FHOD3: variants seen among roughly 807,000 people sequenced by gnomAD.
FHOD3 encodes FH1/FH2 domain-containing protein 3.
FHOD3 carries 90 observed loss-of-function variants against 173.0 expected under a neutral mutation model. The ratio of observed to expected loss-of-function variants is 0.52; its 90% confidence interval spans 0.44 to 0.62. FHOD3 has a LOEUF of 0.62. Among genes scored for constraint, FHOD3 ranks in the 20% least tolerant of loss-of-function variants. The pLI is 0.00. For synonymous variants in FHOD3, 828 were observed against 823.0 expected (o/e 1.01, Z -0.10); for missense variants, 1,945 against 2,034.7 (o/e 0.96, Z 0.85).
In FHOD3 at chr18:36,406,076, G is replaced by GT. The variant is rs1207240646; in HGVS notation, c.337+33338dup. Among the ~76,000 whole-genome samples, 567 of 135,784 alleles carry GT rather than the reference G, an allele frequency of 4.2e-3. 4 individuals are homozygous for GT. The highest frequency in any genetic ancestry group is 0.014 in the African/African-American group (512 of 37,072). 89.1% of individuals were successfully genotyped at this position (135,784 alleles called of 152,430 possible). A position where few individuals can be genotyped will look rare whatever the true frequency, so the allele number is the denominator to read the frequency against. On this transcript the variant is annotated intron_variant, in intron 3 of 28. Transcript: ENST00000590592. ...CTAAGTTCACATTGTGGCCTTGCCT[G>GT]TTTTTTGTTTTTGTTTTTGTTTTTT...
rs575123735 is a variant in FHOD3 at position 36,486,563 on chromosome 18, C to T, written c.338-15369C>T. Among the ~76,000 whole-genome samples the T allele has an allele frequency of 3.9e-5, 6 of 152,310 alleles. No homozygotes were observed. In the South Asian group the frequency reaches 1.2e-3, roughly 32 times the overall value. On this transcript the variant is annotated intron_variant, in intron 3 of 28. Transcript: ENST00000590592. Reference sequence around the variant, plus strand: ...TTTATAGTGATCTAAGTTTATATAACATCTTATGGATGGTATTATCTAGAA... The same window carrying T: ...TTTATAGTGATCTAAGTTTATATAATATCTTATGGATGGTATTATCTAGAA...
chr18:36,685,777 A>G (rs1249612424), intron 15 of FHOD3, among the ~76,000 whole-genome samples: 2 of 152,268 alleles, frequency 1.3e-5, no homozygotes, highest in Non-Finnish European at 2.9e-5. Context: ...ATTCTCCAAG[A>G]AAGTAAACAG....
intron 1 of FHOD3, among the ~76,000 whole-genome samples, chr18:36,304,360 G>A (rs1481320878): frequency 6.6e-6 from 1 of 152,214 alleles, no homozygotes; most frequent in African/African-American, 2.4e-5. Context: ...GTGAGTTAAA[G>A]TTGGATTATA....
intron 14 of FHOD3, among the ~76,000 whole-genome samples, chr18:36,661,690 C>A (rs1414746956): frequency 6.6e-6 from 1 of 152,144 alleles, no homozygotes. Flanking sequence ...TCTTCCCCAA[C>A]AAGTATATTC....
intron 4 of FHOD3, among the ~76,000 whole-genome samples, chr18:36,506,502 T>C (rs2055306309): frequency 6.6e-6 from 1 of 152,298 alleles, no homozygotes; most frequent in African/African-American, 2.4e-5. Flanking sequence ...TCTGACCTCC[T>C]TGTAAATATA....
In FHOD3 at chr18:36,772,755, G is replaced by C. The variant is rs1237247178; in HGVS notation, c.4786+3329G>C. 3.9e-5 allele frequency among the ~76,000 whole-genome samples: 6 copies of C among 152,158 alleles called. No individual in the cohort carries two copies. The South Asian group carries it at 8.3e-4, about 21-fold the overall frequency. On this transcript the variant is annotated intron_variant, in intron 28 of 28. Coordinates refer to ENST00000590592, the MANE Select transcript of FHOD3 (RefSeq NM_001281740.3). Reference sequence around the variant, plus strand: ...TGCTCTCCCAGCTGGTGCCAATCAGGGGCACATTGAGTAAAATGTCTCAAA... The same window carrying C: ...TGCTCTCCCAGCTGGTGCCAATCAGCGGCACATTGAGTAAAATGTCTCAAA...
In FHOD3 at chr18:36,760,800, G is replaced by A; in HGVS notation, c.4624+18G>A. The A allele has an allele frequency of 3.8e-6, 6 of 1,596,848 alleles. No individual in the cohort carries two copies. The highest frequency in any genetic ancestry group is 2.2e-5 in the East Asian group (1 of 44,566). On this transcript the variant is annotated intron_variant, in intron 27 of 28. Transcript: ENST00000590592. ...AAGCCGAGGTAACTCCTGGCTGCGC[G>A]GGGCTCGTCTTGTCTTCTCAGGTTG...
chr18:36,488,791 A>G (rs2054316471), intron 3 of FHOD3, among the ~76,000 whole-genome samples: 1 of 152,140 alleles, frequency 6.6e-6, no homozygotes, highest in African/African-American at 2.4e-5. Flanking sequence ...AGGAGTCTGG[A>G]TGGTGGTATT....
At chr18:36,688,893 C>A (rs1245289122) in intron 16 of FHOD3, among the ~76,000 whole-genome samples, 2 of 152,186 alleles carry the variant, frequency 1.3e-5, no homozygotes, top group African/African-American at 4.8e-5. Flanking sequence ...TTATGTCTGG[C>A]AAACTCGTAA....
intron 10 of FHOD3, among the ~76,000 whole-genome samples, chr18:36,627,127 T>C (rs2034169772): frequency 6.6e-6 from 1 of 152,186 alleles, no homozygotes; most frequent in African/African-American, 2.4e-5. Flanking sequence ...AGCATTGCAT[T>C]TTGTGATCTA....
chr18:36,626,002 ATAT>A (rs1447102824), intron 10 of FHOD3, among the ~76,000 whole-genome samples: 1 of 152,202 alleles, frequency 6.6e-6, no homozygotes, highest in Admixed American at 6.5e-5. Flanking sequence ...TTTTTAAAAA[ATAT>A]TATTTACTAT....
intron 4 of FHOD3, among the ~76,000 whole-genome samples, chr18:36,511,357 G>GTTTTTTTTT (rs760692797): frequency 2.1e-5 from 3 of 143,606 alleles, no homozygotes; most frequent in Non-Finnish European, 3.0e-5. Context: ...TCTTGCCAAT[G>GTTTTTTTTT]TTTTTTTTTT....
At chr18:36,415,779 T>C (rs1599028367) in intron 3 of FHOD3, among the ~76,000 whole-genome samples, 1 of 152,318 alleles carries the variant, frequency 6.6e-6, no homozygotes, top group East Asian at 1.9e-4. Flanking sequence ...CAGGCAGACA[T>C]TTTCATTCCA....
intron 3 of FHOD3, among the ~76,000 whole-genome samples, chr18:36,433,112 T>C (rs1344271377): frequency 7.2e-5 from 11 of 152,196 alleles, no homozygotes; most frequent in Admixed American, 7.2e-4. Context: ...TCGCCTTTGA[T>C]TAATTCAGAG....
intron 5 of FHOD3, among the ~76,000 whole-genome samples, chr18:36,522,085 T>C (rs533679765): frequency 1.3e-5 from 2 of 152,148 alleles, no homozygotes; most frequent in Non-Finnish European, 2.9e-5. Context: ...TAATAAATAT[T>C]TGTGAACATA....
At chr18:36,642,038 C>G (rs28786430) in intron 10 of FHOD3, among the ~76,000 whole-genome samples, 10,758 of 151,670 alleles carry the variant, frequency 0.071, 661 homozygotes, top group East Asian at 0.24. Flanking sequence ...AATGCAGGAA[C>G]AGAAAACCAA....
chr18:36,557,144 T>C (rs1047349585), intron 5 of FHOD3, among the ~76,000 whole-genome samples: 1 of 152,162 alleles, frequency 6.6e-6, no homozygotes, highest in African/African-American at 2.4e-5. Flanking sequence ...ATTTTCTTCA[T>C]GTTTCTTCTA....
chr18:36,305,073 C>A (rs1041822989), intron 1 of FHOD3, among the ~76,000 whole-genome samples: 1 of 151,972 alleles, frequency 6.6e-6, no homozygotes, highest in Non-Finnish European at 1.5e-5. Context: ...TTTCTATGGG[C>A]AGATAAACTT....
At chr18:36,523,892 G>A (rs947970212) in intron 5 of FHOD3, among the ~76,000 whole-genome samples, 8 of 152,138 alleles carry the variant, frequency 5.3e-5, no homozygotes, top group African/African-American at 1.9e-4. Flanking sequence ...AGCACATGTT[G>A]TCTTCTTTCA....
Sources: allele counts gnomAD v4.1 joint callset (sites outside exome capture counted in the v4.1 genomes callset), GRCh38; gene constraint gnomAD v4.1.1; transcripts MANE v1.5; gene names NCBI Gene and HGNC (gene_info 2026-07-23, HGNC 2026-07-21).